Variants in RPAP1 observed in about 807,000 individuals in gnomAD.
RPAP1 encodes the protein RNA polymerase II associated protein 1, also known as RNA polymerase II-associated protein 1.
A neutral mutation model predicts 142.4 loss-of-function variants in RPAP1; 109 were observed. The observed-to-expected ratio is 0.77, with a 90% confidence interval of 0.66 to 0.90. RPAP1 has a LOEUF of 0.90. RPAP1 is among the 40% of genes least tolerant of loss of function. The pLI is 0.00. For missense variants in RPAP1, 1,546 were observed against 1,751.7 expected (o/e 0.88, Z 2.10); for synonymous variants, 704 against 738.9 (o/e 0.95, Z 0.77).
chr15:41,521,743 G>A lies in RPAP1; in HGVS notation c.3033C>T (p.Phe1011=), dbSNP rs774603039. The change falls in exon 21 of 25, where the codon TTC becomes TTT. Residue 1011 remains phenylalanine, a synonymous_variant. Coordinates refer to ENST00000304330, the MANE Select transcript of RPAP1 (RefSeq NM_015540.4). ...LLLSCVFRLE[F]LPERTSGGPE... is the part of the protein sequence containing the mutation. ...GCCACCAACCAAGCACTTACGGGAGGAACTCCAGCCGGAATACACAGCTCA... is the reference window on the plus strand; with the variant it reads ...GCCACCAACCAAGCACTTACGGGAGAAACTCCAGCCGGAATACACAGCTCA... 10 of 1,614,086 alleles carry A rather than the reference G, an allele frequency of 6.2e-6. No homozygotes were observed. Among genetic ancestry groups the A allele is most frequent in the Non-Finnish European group, 8.5e-6 (10 of 1,180,004 alleles).
chr15:41,524,040 C>T, intron 16 of RPAP1, 56 bp downstream of exon 16: 1 of 1,603,986 alleles, frequency 6.2e-7, no homozygotes, highest in Non-Finnish European at 8.5e-7. Flanking sequence ...ACTCCAGCCA[C>T]CCCAGCCCTG....
chr15:41,527,051 C>T lies in RPAP1; in HGVS notation c.1764G>A (p.Arg588=). ...ESATRVLECP[R]LIETIVREFL... is the part of the protein sequence containing the mutation. ...ACTCTCGAACTATAGTCTCTATCAG[C>T]CGAGGGCACTCCAGGACCTATGGGA... Residue 588 remains arginine (R), a synonymous_variant, in exon 14 of 25, where the codon CGG becomes CGA. Coordinates refer to ENST00000304330, the MANE Select transcript of RPAP1 (RefSeq NM_015540.4). 1 of 1,614,094 alleles carries T rather than the reference C, an allele frequency of 6.2e-7. No individual in the cohort carries two copies. The highest frequency in any genetic ancestry group is 8.5e-7 in the Non-Finnish European group (1 of 1,179,978).
rs956949196 is a variant in RPAP1, at chr15:41,523,906, G to A, written c.2301C>T (p.Leu767=). ...SLVTWTQVSG[L]QPLVEPCLRQ... ...TTAGACACGGCTCAACAAGAGGCTG[G>A]AGCCCAGACACCTGTGTCCAAGTGA... The change falls in exon 17 of 25, where the codon CTC becomes CTT. Residue 767 remains leucine (L), a synonymous_variant. Transcript: ENST00000304330. 1 of 1,608,378 alleles carries A rather than the reference G, an allele frequency of 6.2e-7. No homozygotes were observed. The highest frequency in any genetic ancestry group is 1.3e-5 in the African/African-American group (1 of 74,768).
intron 7 of RPAP1, among the ~76,000 whole-genome samples, chr15:41,530,482 G>A (rs1322494109): frequency 6.6e-6 from 1 of 152,180 alleles, no homozygotes; most frequent in Non-Finnish European, 1.5e-5. Flanking sequence ...GAGCTCCTCC[G>A]GGGGCATGAG....
intron 1 of RPAP1, among the ~76,000 whole-genome samples, chr15:41,538,955 T>C (rs1172218453): frequency 6.6e-6 from 1 of 152,160 alleles, no homozygotes; most frequent in Non-Finnish European, 1.5e-5. Context: ...ATGTCCAAAA[T>C]AGGCAAATCC....
Position 41,523,771 on chromosome 15 carries a change from T to G in RPAP1, c.2436A>C (p.Gln812His). ...TGGACAGCCGGCAGGAGGCACTCACTTGCTGGCTCCAGGCCTGGTAGTAGG... is the reference window on the plus strand; with the variant it reads ...TGGACAGCCGGCAGGAGGCACTCACGTGCTGGCTCCAGGCCTGGTAGTAGG... ...LGAYYQAWSQ[Q>H]PSSCPEDWLQ... The change falls in exon 17 of 25, where the codon CAA becomes CAC. Residue 812 changes from glutamine (Q) to histidine (H), a missense_variant and splice_region_variant. Transcript: ENST00000304330. The G allele has an allele frequency of 6.3e-7, 1 of 1,593,622 alleles. No homozygotes were observed. Among genetic ancestry groups the G allele is most frequent in the Non-Finnish European group, 8.5e-7 (1 of 1,170,852 alleles).
At chr15:41,530,931 A>C in intron 7 of RPAP1, 92 bp downstream of exon 7, 1 of 1,252,536 alleles carries the variant, frequency 8.0e-7, no homozygotes, top group Non-Finnish European at 1.1e-6. Flanking sequence ...AAAGCACAGA[A>C]GCTTCTCTCT....
intron 1 of RPAP1, 102 bp from the exon 2 acceptor site, chr15:41,537,303 T>C (rs2051922171): frequency 1.6e-6 from 1 of 616,334 alleles, no homozygotes. Flanking sequence ...CATGAACTCA[T>C]TCCTCCTCAT....
chr15:41,527,288 G>T lies in RPAP1; in HGVS notation c.1625C>A (p.Thr542Asn), dbSNP rs1232637547. ...GTAGCGCAGCCGAGGCAGCAGGCTG[G>T]TAGCCAGGAGCCCCTGGGAGTTGGA... ...RHDVIKGLLA[T>N]SLLPRLRYVL... The change falls in exon 13 of 25, where the codon ACC (threonine) becomes AAC (asparagine). Residue 542 changes from threonine (T) to asparagine (N), a missense_variant. Thr to Asn is a moderately conservative substitution (Grantham distance 65). Around this residue, in one of 3 missense-constraint regions of RPAP1, gnomAD observed 1,333 missense variants for 1,486.6 expected, o/e 0.90. Coordinates refer to ENST00000304330, the MANE Select transcript of RPAP1 (RefSeq NM_015540.4). 3 of 1,614,158 alleles carry T rather than the reference G, an allele frequency of 1.9e-6. No individual in the cohort carries two copies. Among genetic ancestry groups the T allele is most frequent in the Non-Finnish European group, 2.5e-6 (3 of 1,180,036 alleles).
intron 1 of RPAP1, 89 bp from the exon 2 acceptor site, chr15:41,537,290 T>A: frequency 1.5e-6 from 1 of 663,868 alleles, no homozygotes; most frequent in Non-Finnish European, 2.5e-6. Context: ...ATCCTTGGGT[T>A]AACATGAACT....
In RPAP1 at chr15:41,528,071, T is replaced by G. The variant is rs976397640; in HGVS notation, c.1261-44A>C. On this transcript the variant is annotated intron_variant, in intron 10 of 24. Coordinates refer to ENST00000304330, the MANE Select transcript of RPAP1 (RefSeq NM_015540.4). ...AACCTTGCTGAAGATGCTGAAGTTA[T>G]CTAGAGGCTTTGCCCTAATCCTTCG... 1.9e-6 allele frequency: 3 copies of G among 1,604,192 alleles called. 1 individual carries two copies. In the Admixed American group the frequency reaches 5.1e-5, roughly 27 times the overall value.
At chr15:41,523,685 G>T in intron 17 of RPAP1, 86 bp downstream of exon 17, 3 of 1,132,484 alleles carry the variant, frequency 2.6e-6, no homozygotes, top group South Asian at 1.3e-5. Flanking sequence ...GGAGTGGAGA[G>T]ATGGACACAG....
intron 1 of RPAP1, among the ~76,000 whole-genome samples, chr15:41,543,370 C>T (rs2051990080): frequency 6.6e-6 from 1 of 151,860 alleles, no homozygotes; most frequent in Non-Finnish European, 1.5e-5. Flanking sequence ...CCACCACGCC[C>T]GGCTAATTTT....
intron 21 of RPAP1, 30 bp downstream of exon 21, chr15:41,521,708 C>G: frequency 6.2e-7 from 1 of 1,611,914 alleles, no homozygotes; most frequent in Non-Finnish European, 8.5e-7. Context: ...TCCAAAAGGG[C>G]TGAGTTGATG....
chr15:41,536,825 C>A, intron 2 of RPAP1, 120 bp downstream of exon 2: 1 of 1,397,784 alleles, frequency 7.2e-7, no homozygotes, highest in Non-Finnish European at 9.8e-7. Context: ...GCTGCAGAAA[C>A]ACAGGCTATG....
intron 3 of RPAP1, 98 bp downstream of exon 3, chr15:41,536,403 C>A: frequency 6.6e-7 from 1 of 1,505,936 alleles, no homozygotes; most frequent in Non-Finnish European, 9.1e-7. Context: ...GTCTACCTTT[C>A]TGAAGCACCC....
At chr15:41,530,984 C>T (rs777270277) in intron 7 of RPAP1, 39 bp downstream of exon 7, 4 of 1,580,398 alleles carry the variant, frequency 2.5e-6, no homozygotes, top group African/African-American at 1.4e-5. Context: ...ATTTCCCCTA[C>T]TTTTATCCAC....
intron 9 of RPAP1, among the ~76,000 whole-genome samples, chr15:41,529,202 G>T (rs1021730929): frequency 3.3e-5 from 5 of 152,264 alleles, no homozygotes; most frequent in African/African-American, 1.2e-4. Context: ...GGACGTGGTG[G>T]CATGCGCCTG....
chr15:41,540,357 A>G (rs925813454), intron 1 of RPAP1, among the ~76,000 whole-genome samples: 7 of 149,878 alleles, frequency 4.7e-5, no homozygotes, highest in African/African-American at 1.5e-4. Flanking sequence ...GCTGGAGTGC[A>G]ATGGCACGAT....
Sources: allele counts gnomAD v4.1 joint callset (sites outside exome capture counted in the v4.1 genomes callset), GRCh38; gene constraint gnomAD v4.1.1; regional missense constraint gnomAD v4.1.1; transcripts MANE v1.5; gene names NCBI Gene and HGNC (gene_info 2026-07-23, HGNC 2026-07-21).